Variants in LAMC2 observed in about 807,000 individuals in gnomAD.
LAMC2 encodes the protein laminin subunit gamma-2.
A neutral mutation model predicts 140.2 loss-of-function variants in LAMC2; 97 were observed. That is an observed-to-expected ratio of 0.69 (90% confidence interval 0.59 to 0.82). LAMC2 has a LOEUF of 0.82. LAMC2 is among the 40% of genes least tolerant of loss of function. The pLI is 0.00. For synonymous variants in LAMC2, 513 were observed against 540.2 expected (o/e 0.95, Z 0.70); for missense variants, 1,402 against 1,476.1 (o/e 0.95, Z 0.82).
At chr1:183,239,175 C>A (rs931518944) in intron 19 of LAMC2, among the ~76,000 whole-genome samples, 189 bp from the exon 20 acceptor site, 1 of 152,140 alleles carries the variant, frequency 6.6e-6, no homozygotes, top group Non-Finnish European at 1.5e-5. Context: ...TTTCTCTAAG[C>A]AACGGAGTAA....
chr1:183,232,088 T>A (rs1291436803), intron 12 of LAMC2, 99 bp from the exon 13 acceptor site: 34 of 1,453,706 alleles, frequency 2.3e-5, no homozygotes, highest in Middle Eastern at 4.8e-4. Flanking sequence ...TGCTAAGCAT[T>A]TCTGGACTTT....
chr1:183,231,302 A>G (rs1659793920), intron 12 of LAMC2, among the ~76,000 whole-genome samples, 199 bp downstream of exon 12: 1 of 152,206 alleles, frequency 6.6e-6, no homozygotes, highest in Non-Finnish European at 1.5e-5. Context: ...CTTTATATAT[A>G]CCATTTTCAA....
the LAMC2 span, chr1:183,251,406 G>A: frequency 6.6e-6 from 1 of 152,210 alleles, no homozygotes; most frequent in African/African-American, 2.4e-5. Context: ...GTTCATCCTG[G>A]ACTTACAATA....
chr1:183,235,800 C>T, intron 16 of LAMC2, 70 bp downstream of exon 16: 4 of 1,502,064 alleles, frequency 2.7e-6, no homozygotes, highest in Non-Finnish European at 3.7e-6. Context: ...GCTAACCGTA[C>T]TTGAGGGGCA....
At chr1:183,195,265 C>G (rs1358445263) in intron 1 of LAMC2, among the ~76,000 whole-genome samples, 1 of 152,020 alleles carries the variant, frequency 6.6e-6, no homozygotes, top group African/African-American at 2.4e-5. Context: ...GCTGAGTCAT[C>G]TACAGTTCAC....
downstream of LAMC2, chr1:183,248,303 A>C (rs202053421): frequency 6.6e-6 from 1 of 152,670 alleles, no homozygotes; most frequent in African/African-American, 2.4e-5. Flanking sequence ...GCCCATGACT[A>C]TTCTAGCAAC....
In LAMC2 at chr1:183,186,875, G is replaced by C. The variant is rs183484395; in HGVS notation, c.79+444G>C. ...TCCTGTAATTGATGTTTCAAATTTCGGATGGAAAAATGAGCCTTAATAGTA... is the reference window on the plus strand; with the variant it reads ...TCCTGTAATTGATGTTTCAAATTTCCGATGGAAAAATGAGCCTTAATAGTA... On this transcript the variant is annotated intron_variant, in intron 1 of 22. Transcript: ENST00000264144. Among the ~76,000 whole-genome samples the C allele has an allele frequency of 3.2e-4, 48 of 152,224 alleles. No individual in the cohort carries two copies. In the Middle Eastern group the frequency reaches 0.01, roughly 33 times the overall value.
At chr1:183,241,268 A>G (rs1234907708) in intron 22 of LAMC2, 2 of 982,612 alleles carry the variant, frequency 2.0e-6, no homozygotes, top group Non-Finnish European at 1.2e-6. Context: ...AAAAGGAAAA[A>G]TAAAAAAGAA....
At chr1:183,207,407 G>A (rs1658921260) in intron 1 of LAMC2, among the ~76,000 whole-genome samples, 1 of 152,064 alleles carries the variant, frequency 6.6e-6, no homozygotes, top group African/African-American at 2.4e-5. Context: ...ACGGGCACCG[G>A]TGGGATGGGT....
At chr1:183,201,580 T>C (rs2102184026) in intron 1 of LAMC2, among the ~76,000 whole-genome samples, 1 of 152,344 alleles carries the variant, frequency 6.6e-6, no homozygotes, top group African/African-American at 2.4e-5. Context: ...GATACATGCT[T>C]GACACAGGCA....
chr1:183,232,358 CT>C lies in LAMC2; in HGVS notation c.2014+17del. 1 of 1,613,738 alleles carries C rather than the reference CT, an allele frequency of 6.2e-7. No individual in the cohort carries two copies. Among genetic ancestry groups the C allele is most frequent in the Non-Finnish European group, 8.5e-7 (1 of 1,179,838 alleles). Reference sequence around the variant, plus strand: ...GATTTCAGAAGGTGATGAAGGCCAACTTCCCTTCAGACAGAAGAGAATTCAT... The same window carrying C: ...GATTTCAGAAGGTGATGAAGGCCAACTCCCTTCAGACAGAAGAGAATTCAT... On this transcript the variant is annotated intron_variant, in intron 13 of 22. Coordinates refer to ENST00000264144, the MANE Select transcript of LAMC2 (RefSeq NM_005562.3).
At chr1:183,205,819 G>T (rs1261845329) in intron 1 of LAMC2, among the ~76,000 whole-genome samples, 1 of 151,940 alleles carries the variant, frequency 6.6e-6, no homozygotes, top group Admixed American at 6.6e-5. Flanking sequence ...GTGTGTGTGT[G>T]TCTGTGTGTG....
chr1:183,236,149 GATAA>G (rs1172083942), intron 16 of LAMC2, among the ~76,000 whole-genome samples: 1 of 152,042 alleles, frequency 6.6e-6, no homozygotes, highest in Non-Finnish European at 1.5e-5. Flanking sequence ...ACAAGTATCT[GATAA>G]ATAATTTTGT....
chr1:183,207,831 A>G lies in LAMC2; in HGVS notation c.80-50A>G, dbSNP rs1553264596. On this transcript the variant is annotated intron_variant, in intron 1 of 22. Transcript: ENST00000264144. Reference sequence around the variant, plus strand: ...TAAACACCTGCTAGAACAGTTCCTGAGGTGTTTTTTTTTTTTTTTGACGAT... The same window carrying G: ...TAAACACCTGCTAGAACAGTTCCTGGGGTGTTTTTTTTTTTTTTTGACGAT... 28 of 1,113,210 alleles carry G rather than the reference A, an allele frequency of 2.5e-5. No homozygotes were observed. In the South Asian group the frequency reaches 3.2e-4, roughly 13 times the overall value. The allele number at this position is 1,113,210 out of a possible 1,614,324, so 69.0% of individuals were successfully genotyped here.
chr1:183,226,485 G>A (rs1257590912), intron 8 of LAMC2, among the ~76,000 whole-genome samples: 3 of 152,102 alleles, frequency 2.0e-5, no homozygotes, highest in African/African-American at 4.8e-5. Flanking sequence ...AGCTAGTGAG[G>A]GTGGATTCAG....
chr1:183,239,667 GCCCT>G, intron 20 of LAMC2, 104 bp downstream of exon 20: 2 of 1,001,146 alleles, frequency 2.0e-6, no homozygotes, highest in Non-Finnish European at 3.0e-6. Context: ...GAGGCTCAGA[GCCCT>G]GTTGTGGCCC....
intron 1 of LAMC2, among the ~76,000 whole-genome samples, chr1:183,188,136 A>T (rs975402861): frequency 6.6e-5 from 10 of 152,244 alleles, no homozygotes; most frequent in African/African-American, 2.4e-4. Flanking sequence ...CCAAGAAGTC[A>T]GAAATACCAC....
chr1:183,232,368 G>A, intron 13 of LAMC2, 25 bp downstream of exon 13: 2 of 1,613,270 alleles, frequency 1.2e-6, no homozygotes, highest in Non-Finnish European at 1.7e-6. Context: ...CTTCCCTTCA[G>A]ACAGAAGAGA....
chr1:183,247,174 T>C (rs1317271725), downstream of LAMC2, among the ~76,000 whole-genome samples: 1 of 151,988 alleles, frequency 6.6e-6, no homozygotes, highest in Non-Finnish European at 1.5e-5. Context: ...TAACTGCGCA[T>C]GGTGGCAGGC....
Sources: gnomAD v4.1 joint callset for allele counts (sites outside exome capture counted in the v4.1 genomes callset) on GRCh38, gnomAD v4.1.1 for gene constraint, MANE v1.5 for transcripts, NCBI Gene and HGNC (gene_info 2026-07-23, HGNC 2026-07-21) for gene names.